CSE1L: variants seen among roughly 807,000 people sequenced by gnomAD.
The protein encoded by CSE1L is exportin-2.
A neutral mutation model predicts 120.4 loss-of-function variants in CSE1L; 24 were observed. The observed-to-expected ratio is 0.20, with a 90% CI of 0.14 to 0.28. CSE1L has a LOEUF of 0.28. Among genes scored for constraint, CSE1L ranks in the 10% least tolerant of loss-of-function variants. CSE1L has a pLI of 1.00. For synonymous variants in CSE1L, 402 were observed against 398.3 expected (o/e 1.01, Z -0.11); for missense variants, 830 against 1,145.2 (o/e 0.72, Z 3.97).
rs60161542 is a variant in CSE1L, at chr20:49,067,031, C to CAAAAAAAA, written c.477-141_477-134dup. On this transcript the variant is annotated intron_variant, in intron 5 of 24. Coordinates refer to ENST00000262982, the MANE Select transcript of CSE1L (RefSeq NM_001316.4). The stretch of plus-strand genomic sequence containing the variant: ...TGGGCGACAGAGCGAGACTCCGTCT[C>CAAAAAAAA]AAAAAAAAAAAAAAAAAAAAAAAAA... 8.8e-4 allele frequency among the ~76,000 whole-genome samples: 89 copies of CAAAAAAAA among 100,774 alleles called. 3 individuals are homozygous for CAAAAAAAA. The highest frequency in any genetic ancestry group is 2.6e-3 in the African/African-American group (62 of 23,700). 66.1% of individuals were successfully genotyped at this position (100,774 alleles called of 152,430 possible).
intron 1 of CSE1L, among the ~76,000 whole-genome samples, chr20:49,047,007 T>G (rs2091718035): frequency 6.6e-6 from 1 of 152,202 alleles, no homozygotes; most frequent in South Asian, 2.1e-4. Flanking sequence ...GTGATCTCAC[T>G]TTGCTGAATT....
intron 14 of CSE1L, among the ~76,000 whole-genome samples, chr20:49,079,783 G>T (rs528421404): frequency 6.6e-6 from 1 of 151,964 alleles, no homozygotes. Flanking sequence ...TTTGCATTTG[G>T]TCTAAAACAA....
At chr20:49,090,211 T>G (rs2092090340) in intron 19 of CSE1L, among the ~76,000 whole-genome samples, 1 of 152,174 alleles carries the variant, frequency 6.6e-6, no homozygotes, top group African/African-American at 2.4e-5. Context: ...CCTTTAGTTA[T>G]TTATATCCAT....
chr20:49,077,272 G>A (rs1226131433), intron 13 of CSE1L, among the ~76,000 whole-genome samples: 1 of 148,954 alleles, frequency 6.7e-6, no homozygotes, highest in Non-Finnish European at 1.5e-5. Context: ...CGATTCTCCT[G>A]CCTCAGCTTC....
chr20:49,068,631 C>A (rs1301608126), intron 6 of CSE1L, 84 bp from the exon 7 acceptor site: 2 of 862,066 alleles, frequency 2.3e-6, no homozygotes, highest in South Asian at 1.4e-5. Context: ...TGAATAGTCT[C>A]AGCTTAGTGC....
chr20:49,081,066 C>T (rs976634572), intron 14 of CSE1L, among the ~76,000 whole-genome samples: 3 of 149,998 alleles, frequency 2.0e-5, no homozygotes, highest in African/African-American at 4.9e-5. Context: ...TCACTGCAGC[C>T]TCCACCTCCC....
chr20:49,063,584 A>G (rs1317701342), intron 3 of CSE1L, among the ~76,000 whole-genome samples: 4 of 152,232 alleles, frequency 2.6e-5, no homozygotes, highest in Non-Finnish European at 5.9e-5. Context: ...ATATGGATCA[A>G]AGATAAAATT....
intron 6 of CSE1L, among the ~76,000 whole-genome samples, chr20:49,068,193 C>T (rs528015571): frequency 2.6e-5 from 4 of 152,192 alleles, no homozygotes; most frequent in East Asian, 1.9e-4. Context: ...ATTGGGAAGA[C>T]GTAGTTCAGA....
At chr20:49,062,840 A>G (rs913245635) in intron 2 of CSE1L, among the ~76,000 whole-genome samples, 5 of 152,008 alleles carry the variant, frequency 3.3e-5, no homozygotes, top group African/African-American at 1.2e-4. Context: ...TATTACTACT[A>G]ATAGTACTAA....
chr20:49,068,577 C>G (rs890127146), intron 6 of CSE1L, 138 bp from the exon 7 acceptor site: 51 of 586,736 alleles, frequency 8.7e-5, no homozygotes, highest in Admixed American at 2.6e-4. Context: ...CCAGCCTGGA[C>G]GACAGAGCAA....
At chr20:49,053,542 G>A (rs1330897131) in intron 1 of CSE1L, among the ~76,000 whole-genome samples, 6 of 151,144 alleles carry the variant, frequency 4.0e-5, no homozygotes, top group Non-Finnish European at 8.9e-5. Context: ...GTAGAGACGG[G>A]GTTTCACCAT....
chr20:49,053,936 G>A (rs1271776723), intron 1 of CSE1L, among the ~76,000 whole-genome samples: 1 of 152,102 alleles, frequency 6.6e-6, no homozygotes, highest in Non-Finnish European at 1.5e-5. Context: ...GCGATCGTCT[G>A]CCTCAGCCTC....
rs764232854 is a variant in CSE1L at position 49,084,095 on chromosome 20, G to C, written c.1552G>C (p.Val518Leu). 1 of 1,613,822 alleles carries C rather than the reference G, an allele frequency of 6.2e-7. No homozygotes were observed. Among genetic ancestry groups the C allele is most frequent in the Non-Finnish European group, 8.5e-7 (1 of 1,179,772 alleles). The part of the protein sequence containing the change: ...INHLQAESIV[V>L]HTYAAHALER... ...TCATCTTCAAGCTGAAAGTATTGTTGTTCATACTTACGCAGCTCATGCTCT... is the reference window on the plus strand; with the variant it reads ...TCATCTTCAAGCTGAAAGTATTGTTCTTCATACTTACGCAGCTCATGCTCT... Residue 518 changes from valine to leucine, a missense_variant, in exon 15 of 25, where the codon GTT becomes CTT. Around this residue, in one of 4 missense-constraint regions of CSE1L, gnomAD observed 543 missense variants for 640.2 expected, o/e 0.85. Coordinates refer to ENST00000262982, the MANE Select transcript of CSE1L (RefSeq NM_001316.4).
At chr20:49,067,555 A>G (rs933470888) in intron 6 of CSE1L, among the ~76,000 whole-genome samples, 2 of 152,094 alleles carry the variant, frequency 1.3e-5, no homozygotes, top group Middle Eastern at 3.2e-3. Context: ...CATTTCACCC[A>G]AGTATTTTAA....
intron 21 of CSE1L, 84 bp downstream of exon 21, chr20:49,091,106 T>C: frequency 1.0e-6 from 1 of 955,696 alleles, no homozygotes; most frequent in Non-Finnish European, 1.6e-6. Flanking sequence ...CAGATACATT[T>C]TTTATCCGTT....
intron 7 of CSE1L, 42 bp downstream of exon 7, chr20:49,068,864 A>AT (rs1380400886): frequency 7.7e-7 from 1 of 1,303,618 alleles, no homozygotes; most frequent in Non-Finnish European, 1.1e-6. Context: ...TTACTCTTTG[A>AT]TTTTAAATAG....
At chr20:49,067,356 A>G in intron 6 of CSE1L, 76 bp downstream of exon 6, 11 of 962,404 alleles carry the variant, frequency 1.1e-5, no homozygotes, top group Non-Finnish European at 1.7e-5. Flanking sequence ...TGTTAAGAGA[A>G]TGCTTTGAAA....
At chr20:49,065,739 G>T (rs1482139697) in intron 3 of CSE1L, among the ~76,000 whole-genome samples, 1 of 150,792 alleles carries the variant, frequency 6.6e-6, no homozygotes, top group East Asian at 2.0e-4. Flanking sequence ...GATTATAGGT[G>T]CCTGCCACCA....
intron 14 of CSE1L, among the ~76,000 whole-genome samples, chr20:49,080,768 G>C (rs1167439760): frequency 6.6e-6 from 1 of 152,014 alleles, no homozygotes; most frequent in African/African-American, 2.4e-5. Flanking sequence ...GAGCCACCGC[G>C]CCCGGCCTTA....
Sources: allele counts gnomAD v4.1 joint callset (sites outside exome capture counted in the v4.1 genomes callset), GRCh38; gene constraint gnomAD v4.1.1; regional missense constraint gnomAD v4.1.1; transcripts MANE v1.5; gene names NCBI Gene and HGNC (gene_info 2026-07-23, HGNC 2026-07-21).